PPP2R5C: variants seen among roughly 807,000 people sequenced by gnomAD.
PPP2R5C encodes the protein protein phosphatase 2 regulatory subunit B'gamma, also known as serine/threonine-protein phosphatase 2A 56 kDa regulatory subunit gamma isoform.
In PPP2R5C, 7 loss-of-function variants were observed where a neutral mutation model predicts 68.9. The observed-to-expected ratio is 0.10, with a 90% CI of 0.06 to 0.19. The LOEUF (loss-of-function observed/expected upper bound fraction) is 0.19. Ranked by LOEUF, PPP2R5C falls within the 10% of genes least tolerant of loss-of-function variation. The pLI is 1.00. For synonymous variants in PPP2R5C, 210 were observed against 222.2 expected (o/e 0.95, Z 0.49); for missense variants, 348 against 641.3 (o/e 0.54, Z 4.94).
Position 101,906,515 on chromosome 14 carries a change from G to T in PPP2R5C, c.1137G>T (p.Lys379Asn). 1 of 1,609,246 alleles carries T rather than the reference G, an allele frequency of 6.2e-7. No individual in the cohort carries two copies. Among genetic ancestry groups the T allele is most frequent in the Non-Finnish European group, 8.5e-7 (1 of 1,178,730 alleles). ...TTCCTTCCTTGTACCGCAACTCAAAGACCCATTGGAACAAGTAAGAAAGAA... is the reference window on the plus strand; with the variant it reads ...TTCCTTCCTTGTACCGCAACTCAAATACCCATTGGAACAAGTAAGAAAGAA... Residue 379 changes from lysine (K) to asparagine (N), a missense_variant, in exon 10 of 14, where the codon AAG (lysine) becomes AAT (asparagine). Coordinates refer to ENST00000334743, the Ensembl canonical transcript of PPP2R5C. The surrounding 1 kb of genome is among the most constrained non-coding windows in gnomAD (Gnocchi z 4.0).
At chr14:101,762,726 T>TG (rs1232962998) in intron 1 of PPP2R5C, among the ~76,000 whole-genome samples, 179 bp from the exon 2 acceptor site, 2 of 151,536 alleles carry the variant, frequency 1.3e-5, no homozygotes, top group African/African-American at 4.8e-5. Context: ...GAATGGGGGT[T>TG]GGGGGGCATT....
chr14:101,773,248 G>T (rs1041816445), intron 2 of PPP2R5C, among the ~76,000 whole-genome samples: 1 of 152,076 alleles, frequency 6.6e-6, no homozygotes, highest in Admixed American at 6.6e-5. Flanking sequence ...GCGTGAGAGC[G>T]TCTCACCTTT....
intron 3 of PPP2R5C, chr14:101,883,018 A>G (rs952396294): frequency 2.2e-6 from 1 of 444,688 alleles, no homozygotes; most frequent in South Asian, 2.5e-5. Flanking sequence ...GACATCAGCC[A>G]TGGAGATCAT....
chr14:101,826,969 CTTTTTTT>C (rs1030539072), intron 1 of PPP2R5C, among the ~76,000 whole-genome samples: 4 of 95,860 alleles, frequency 4.2e-5, no homozygotes, highest in East Asian at 2.9e-4. Context: ...AAATGTTTAA[CTTTTTTT>C]TTTTTTTTTT....
At chr14:101,843,482 C>A in intron 1 of PPP2R5C, 1 of 185,454 alleles carries the variant, frequency 5.4e-6, no homozygotes, top group South Asian at 1.0e-4. Flanking sequence ...TCTTGGCTTC[C>A]ACTCTGAAAA....
chr14:101,810,635 T>C (rs2039306732), intron 1 of PPP2R5C, among the ~76,000 whole-genome samples: 1 of 152,240 alleles, frequency 6.6e-6, no homozygotes. Flanking sequence ...GTTAGCGTTT[T>C]CGTGGAATAT....
exon 14 of PPP2R5C, chr14:101,925,436 A>T: frequency 1.6e-6 from 2 of 1,259,582 alleles, no homozygotes; most frequent in Non-Finnish European, 2.1e-6. Flanking sequence ...TAGGAGTTCA[A>T]ACAATGGTGA....
At chr14:101,908,601 T>G (rs1364903515) in intron 10 of PPP2R5C, among the ~76,000 whole-genome samples, 1 of 151,998 alleles carries the variant, frequency 6.6e-6, no homozygotes, top group East Asian at 1.9e-4. Context: ...CTTGAACTCC[T>G]GACCTGAAGT....
At chr14:101,822,251 T>G (rs2040130972) in intron 1 of PPP2R5C, among the ~76,000 whole-genome samples, 1 of 152,130 alleles carries the variant, frequency 6.6e-6, no homozygotes, top group Non-Finnish European at 1.5e-5. Context: ...AAAATGCATC[T>G]GATTAAATTA....
At chr14:101,812,531 G>T (rs2039425593) in intron 1 of PPP2R5C, among the ~76,000 whole-genome samples, 1 of 152,190 alleles carries the variant, frequency 6.6e-6, no homozygotes, top group Admixed American at 6.5e-5. Flanking sequence ...CCAGACTGTT[G>T]TGTTGTTTTG....
Position 101,797,510 on chromosome 14 carries a change from GA to G in PPP2R5C, c.259+11328del. The G allele has an allele frequency of 3.0e-6, 1 of 335,618 alleles. No homozygotes were observed. Among genetic ancestry groups the G allele is most frequent in the South Asian group, 2.2e-5 (1 of 44,858 alleles). 20.8% of individuals were successfully genotyped at this position (335,618 alleles called of 1,614,324 possible). On this transcript the variant is annotated intron_variant, in intron 3 of 14. Transcript: ENST00000328724. This position sits in a 1 kb window ranked among gnomAD's most constrained non-coding sequence, Gnocchi z 4.2. ...TTTCTCCACCCTCTCCATTTTCACC[GA>G]GATGGTTGTGGTGTCACCTCTCGTG...
Position 101,888,257 on chromosome 14 carries a change from G to A in PPP2R5C, c.630-1980G>A, listed in dbSNP as rs563178273. ...AGTAAACTGAAGCCACACGGCTGCC[G>A]TGTATGCAAAGGGAGCCTGCAGGGT... On this transcript the variant is annotated intron_variant, in intron 5 of 13. Coordinates refer to ENST00000334743, the Ensembl canonical transcript of PPP2R5C. This position sits in a 1 kb window ranked among gnomAD's most constrained non-coding sequence, Gnocchi z 5.6. 6.6e-6 allele frequency among the ~76,000 whole-genome samples: 1 copy of A among 152,140 alleles called. No homozygotes were observed. The highest frequency in any genetic ancestry group is 2.4e-5 in the African/African-American group (1 of 41,508).
At chr14:101,778,414 T>G (rs77809264) in intron 2 of PPP2R5C, among the ~76,000 whole-genome samples, 3 of 152,246 alleles carry the variant, frequency 2.0e-5, no homozygotes, top group African/African-American at 7.2e-5. Flanking sequence ...TTTTATGAAG[T>G]CTGGTTTATC....
chr14:101,783,810 G>A (rs2037958122), intron 2 of PPP2R5C, among the ~76,000 whole-genome samples: 1 of 152,192 alleles, frequency 6.6e-6, no homozygotes. Context: ...AAAAGGAGAT[G>A]GAGAACATTA....
At chr14:101,767,589 C>T (rs903222251) in intron 2 of PPP2R5C, among the ~76,000 whole-genome samples, 1 of 152,144 alleles carries the variant, frequency 6.6e-6, no homozygotes, top group African/African-American at 2.4e-5. Flanking sequence ...TCCATACAAC[C>T]CTAAGCTGAA....
chr14:101,906,647 A>G lies in PPP2R5C; in HGVS notation c.1151+118A>G, dbSNP rs2046041104. ...ATATCAATTAAAAAACAAGAAGGTC[A>G]GTTGCTTTGTGGACTCATAAATTAA... On this transcript the variant is annotated intron_variant, in intron 10 of 13. Transcript: ENST00000334743. This position sits in a 1 kb window ranked among gnomAD's most constrained non-coding sequence, Gnocchi z 4.0. 4 of 1,355,016 alleles carry G rather than the reference A, an allele frequency of 3.0e-6. No homozygotes were observed. Among genetic ancestry groups the G allele is most frequent in the Admixed American group, 2.5e-5 (1 of 40,178 alleles). The allele number at this position is 1,355,016 out of a possible 1,614,324, so 83.9% of individuals were successfully genotyped here.
intron 3 of PPP2R5C, among the ~76,000 whole-genome samples, chr14:101,801,219 T>C (rs944969518): frequency 6.6e-6 from 1 of 152,220 alleles, no homozygotes; most frequent in Non-Finnish European, 1.5e-5. Context: ...ATTGTAATGT[T>C]TCCAACACAA....
chr14:101,904,509 G>A (rs1371015385), intron 9 of PPP2R5C, among the ~76,000 whole-genome samples: 1 of 152,242 alleles, frequency 6.6e-6, no homozygotes, highest in African/African-American at 2.4e-5. Flanking sequence ...TAGCCTAGGA[G>A]CTGTGATGCG....
At chr14:101,860,083 A>G (rs994513911) in intron 2 of PPP2R5C, among the ~76,000 whole-genome samples, 1 of 152,160 alleles carries the variant, frequency 6.6e-6, no homozygotes, top group Non-Finnish European at 1.5e-5. Flanking sequence ...TGTATGAGTC[A>G]GTGATTTTTA....
Sources: gnomAD v4.1 joint callset for allele counts (sites outside exome capture counted in the v4.1 genomes callset) on GRCh38, gnomAD v4.1.1 for gene constraint, Gnocchi (gnomAD v3.1) non-coding constraint, MANE v1.5 for transcripts, NCBI Gene and HGNC (gene_info 2026-07-23, HGNC 2026-07-21) for gene names.